The following USP25 variants were observed in gnomAD, a reference collection of about 807,000 sequenced individuals.
The protein encoded by USP25 is ubiquitin carboxyl-terminal hydrolase 25.
A neutral mutation model predicts 158.5 loss-of-function variants in USP25; 85 were observed. The observed-to-expected ratio is 0.54, with a 90% CI of 0.45 to 0.64. The LOEUF is 0.64. Ranked by LOEUF, USP25 falls within the 30% of genes least tolerant of loss-of-function variation. USP25 has a pLI of 0.00. For synonymous variants in USP25, 464 were observed against 460.4 expected (o/e 1.01, Z -0.10); for missense variants, 1,242 against 1,327.3 (o/e 0.94, Z 1.00).
intron 4 of USP25, among the ~76,000 whole-genome samples, chr21:15,780,107 ATT>A (rs1304306445): frequency 2.0e-5 from 3 of 152,166 alleles, no homozygotes; most frequent in Non-Finnish European, 4.4e-5. Flanking sequence ...TTAAAAGTAA[ATT>A]AACTCCTTCT....
intron 17 of USP25, among the ~76,000 whole-genome samples, chr21:15,838,962 T>C (rs2038195989): frequency 6.6e-6 from 1 of 152,134 alleles, no homozygotes; most frequent in African/African-American, 2.4e-5. Context: ...CCTCAGAATG[T>C]TGAGTTGTCT....
chr21:15,838,378 A>C (rs1483137919), intron 17 of USP25, among the ~76,000 whole-genome samples: 2 of 152,164 alleles, frequency 1.3e-5, no homozygotes, highest in Non-Finnish European at 2.9e-5. Context: ...GTAGGAGAAC[A>C]TAAAATTTTA....
chr21:15,859,248 A>G (rs1172181486), intron 20 of USP25, among the ~76,000 whole-genome samples: 8 of 150,518 alleles, frequency 5.3e-5, no homozygotes, highest in Non-Finnish European at 5.9e-5. Flanking sequence ...GCTGGAGTGC[A>G]GTGGTGCCAT....
intron 1 of USP25, among the ~76,000 whole-genome samples, chr21:15,734,165 T>C (rs1330424873): frequency 6.6e-6 from 1 of 152,196 alleles, no homozygotes; most frequent in African/African-American, 2.4e-5. Context: ...AGATCTACAG[T>C]CAACTTTCAC....
At chr21:15,786,914 G>A (rs761319699) in intron 4 of USP25, among the ~76,000 whole-genome samples, 4 of 152,188 alleles carry the variant, frequency 2.6e-5, no homozygotes, top group Non-Finnish European at 5.9e-5. Flanking sequence ...AGTGAATTCA[G>A]TAAAAGTGTA....
At chr21:15,751,077 T>G (rs2032980528) in intron 1 of USP25, among the ~76,000 whole-genome samples, 1 of 152,142 alleles carries the variant, frequency 6.6e-6, no homozygotes, top group South Asian at 2.1e-4. Context: ...TAGGAACAGA[T>G]GATTGGCTGC....
intron 10 of USP25, among the ~76,000 whole-genome samples, chr21:15,820,954 TGA>T (rs1212653028): frequency 6.6e-6 from 1 of 152,014 alleles, no homozygotes; most frequent in African/African-American, 2.4e-5. Context: ...AAGTTAAACA[TGA>T]TTATATCCAA....
chr21:15,735,235 T>C (rs549768531), intron 1 of USP25, among the ~76,000 whole-genome samples: 2 of 152,188 alleles, frequency 1.3e-5, no homozygotes, highest in Non-Finnish European at 2.9e-5. Flanking sequence ...CAATTGGCCT[T>C]CTGTATCCAC....
At chr21:15,853,283 A>G (rs1346314791) in intron 20 of USP25, among the ~76,000 whole-genome samples, 1 of 151,218 alleles carries the variant, frequency 6.6e-6, no homozygotes, top group Non-Finnish European at 1.5e-5. Context: ...ACACACATAC[A>G]CATGTGTACA....
Position 15,829,665 on chromosome 21 carries a change from G to T in USP25, c.1694-866G>T, listed in dbSNP as rs534232713. On this transcript the variant is annotated intron_variant, in intron 14 of 25. Coordinates refer to ENST00000400183, the MANE Select transcript of USP25 (RefSeq NM_001283041.3). ...TTTGTATTTTTCTTATTACTTAATAGAAAGTTTAATGTATTGTGGATATTA... is the reference window on the plus strand; with the variant it reads ...TTTGTATTTTTCTTATTACTTAATATAAAGTTTAATGTATTGTGGATATTA... 4.6e-5 allele frequency among the ~76,000 whole-genome samples: 7 copies of T among 152,198 alleles called. No homozygotes were observed. In the South Asian group the frequency reaches 1.5e-3, roughly 32 times the overall value.
chr21:15,818,295 T>C (rs952880940), intron 9 of USP25, among the ~76,000 whole-genome samples: 3 of 152,158 alleles, frequency 2.0e-5, no homozygotes, highest in Admixed American at 6.5e-5. Context: ...TTATTTGTAA[T>C]TATTTGTTTA....
At chr21:15,814,999 T>C (rs2036862974) in intron 9 of USP25, among the ~76,000 whole-genome samples, 1 of 151,960 alleles carries the variant, frequency 6.6e-6, no homozygotes, top group Admixed American at 6.6e-5. Context: ...GAGGAAAAAA[T>C]AGTTTCGTGG....
At chr21:15,762,070 T>C (rs74654315) in intron 1 of USP25, among the ~76,000 whole-genome samples, 1 of 151,218 alleles carries the variant, frequency 6.6e-6, no homozygotes, top group African/African-American at 2.4e-5. Context: ...TCAGTAGTTT[T>C]ATCATCCATT....
chr21:15,738,335 CTCTG>C (rs773907422), intron 1 of USP25, among the ~76,000 whole-genome samples: 23 of 152,194 alleles, frequency 1.5e-4, no homozygotes, highest in South Asian at 4.1e-4. Flanking sequence ...CTCTCAAATC[CTCTG>C]TCTTTTTGAT....
chr21:15,873,627 G>A (rs974574268), intron 23 of USP25, among the ~76,000 whole-genome samples: 1 of 151,880 alleles, frequency 6.6e-6, no homozygotes, highest in African/African-American at 2.4e-5. Context: ...CCGAGTAGCT[G>A]GGACTACAGG....
chr21:15,800,996 GA>G (rs1208627954), intron 6 of USP25, among the ~76,000 whole-genome samples: 1 of 151,388 alleles, frequency 6.6e-6, no homozygotes, highest in Non-Finnish European at 1.5e-5. Flanking sequence ...AAAAATTAAG[GA>G]AAACCCTTTC....
chr21:15,756,738 G>A (rs866289483), intron 1 of USP25, among the ~76,000 whole-genome samples: 1 of 152,296 alleles, frequency 6.6e-6, no homozygotes, highest in South Asian at 2.1e-4. Flanking sequence ...GGAATCTGAA[G>A]ACTTGTAGGT....
intron 14 of USP25, among the ~76,000 whole-genome samples, chr21:15,828,452 A>G (rs1429408459): frequency 6.6e-6 from 1 of 152,212 alleles, no homozygotes; most frequent in African/African-American, 2.4e-5. Context: ...CTCTTTGGAG[A>G]CAACTGACAG....
chr21:15,866,410 C>A, intron 22 of USP25, 66 bp downstream of exon 22: 2 of 1,236,156 alleles, frequency 1.6e-6, no homozygotes, highest in Non-Finnish European at 2.2e-6. Flanking sequence ...ATATTCCTTT[C>A]GTTTCAGCCC....
Sources: gnomAD v4.1 joint callset for allele counts (sites outside exome capture counted in the v4.1 genomes callset) on GRCh38, gnomAD v4.1.1 for gene constraint, MANE v1.5 for transcripts, NCBI Gene and HGNC (gene_info 2026-07-23, HGNC 2026-07-21) for gene names.